Variants in FRMD4A observed in about 807,000 individuals in gnomAD.
FRMD4A encodes the protein FERM domain containing 4A.
A neutral mutation model predicts 129.1 loss-of-function variants in FRMD4A; 29 were observed. The ratio of observed to expected loss-of-function variants is 0.22; its 90% CI spans 0.17 to 0.31. FRMD4A has a LOEUF of 0.31. Among genes scored for constraint, FRMD4A ranks in the 10% least tolerant of loss-of-function variants. The pLI is 1.00. For synonymous variants in FRMD4A, 634 were observed against 571.6 expected (o/e 1.11, Z -1.56); for missense variants, 1,272 against 1,375.8 (o/e 0.92, Z 1.19).
At chr10:13,690,455 C>T (rs2085576638) in intron 15 of FRMD4A, among the ~76,000 whole-genome samples, 1 of 152,226 alleles carries the variant, frequency 6.6e-6, no homozygotes, top group African/African-American at 2.4e-5. Flanking sequence ...CTAGAAATTC[C>T]CTTTGTTCCC....
intron 2 of FRMD4A, among the ~76,000 whole-genome samples, chr10:13,925,062 TA>T (rs57484737): frequency 1.5e-3 from 158 of 103,218 alleles, no homozygotes; most frequent in African/African-American, 1.9e-3. Flanking sequence ...AGACTCCGTG[TA>T]AAAAAAAAAA....
chr10:14,189,255 T>G (rs1031882134), intron 2 of FRMD4A, among the ~76,000 whole-genome samples: 1 of 151,912 alleles, frequency 6.6e-6, no homozygotes, highest in Admixed American at 6.6e-5. Context: ...ATGCAAGAAT[T>G]TGAGGTGGAA....
At chr10:14,139,222 G>A (rs559027030) in intron 2 of FRMD4A, among the ~76,000 whole-genome samples, 3 of 152,308 alleles carry the variant, frequency 2.0e-5, no homozygotes, top group Admixed American at 2.0e-4. Context: ...TATAACAATG[G>A]TATGATGTCA....
At chr10:13,963,770 A>C (rs1475486971) in intron 2 of FRMD4A, among the ~76,000 whole-genome samples, 1 of 152,202 alleles carries the variant, frequency 6.6e-6, no homozygotes, top group Non-Finnish European at 1.5e-5. Context: ...ATATTAGCTC[A>C]CATGTTTTCT....
At chr10:13,767,357 A>G (rs563648246) in intron 6 of FRMD4A, among the ~76,000 whole-genome samples, 20 of 151,858 alleles carry the variant, frequency 1.3e-4, no homozygotes, top group Non-Finnish European at 2.6e-4. Flanking sequence ...TTGTGCCACA[A>G]CCTCCCAAAT....
intron 2 of FRMD4A, among the ~76,000 whole-genome samples, chr10:14,044,380 T>G (rs1217360162): frequency 1.3e-5 from 2 of 152,244 alleles, no homozygotes; most frequent in Non-Finnish European, 2.9e-5. Flanking sequence ...CCCATTCCTG[T>G]CTGGTAAAAC....
At chr10:14,070,971 G>C (rs1565227570) in intron 2 of FRMD4A, among the ~76,000 whole-genome samples, 1 of 152,232 alleles carries the variant, frequency 6.6e-6, no homozygotes, top group East Asian at 1.9e-4. Flanking sequence ...GGAACAGATG[G>C]ATTGCAAGAC....
chr10:14,012,928 G>C (rs1227114001), intron 2 of FRMD4A, among the ~76,000 whole-genome samples: 4 of 152,162 alleles, frequency 2.6e-5, no homozygotes, highest in Non-Finnish European at 5.9e-5. Flanking sequence ...TCATTTGGCA[G>C]AATACTGAAA....
At chr10:14,320,513 C>T (rs1351571542) in intron 2 of FRMD4A, among the ~76,000 whole-genome samples, 5 of 152,188 alleles carry the variant, frequency 3.3e-5, no homozygotes, top group South Asian at 2.1e-4. Context: ...AATAGCTTAA[C>T]GCCATTTTCT....
chr10:14,035,684 C>A (rs1833465024), intron 2 of FRMD4A, among the ~76,000 whole-genome samples: 1 of 152,142 alleles, frequency 6.6e-6, no homozygotes, highest in Admixed American at 6.6e-5. Flanking sequence ...ACAAGAGGAT[C>A]CCAGCCTCGA....
chr10:13,792,737 C>A lies in FRMD4A; in HGVS notation c.299+3759G>T, dbSNP rs531576734. 5.3e-4 allele frequency among the ~76,000 whole-genome samples: 80 copies of A among 152,314 alleles called. 1 individual carries two copies. Among genetic ancestry groups the A allele is most frequent in the African/African-American group, 1.9e-3 (79 of 41,562 alleles). ...TTAAGACCCTGAAGCCACCTGGGAT[C>A]ATTCCTGGTGATTTGCTGGTTGAAA... On this transcript the variant is annotated intron_variant, in intron 5 of 24. Transcript: ENST00000357447.
intron 2 of FRMD4A, among the ~76,000 whole-genome samples, chr10:14,195,113 G>A (rs536095696): frequency 6.6e-6 from 1 of 152,300 alleles, no homozygotes; most frequent in East Asian, 1.9e-4. Context: ...GGTAGTAGTA[G>A]TAGATGCTAT....
At chr10:14,172,739 C>G (rs1186580472) in intron 2 of FRMD4A, among the ~76,000 whole-genome samples, 3 of 152,150 alleles carry the variant, frequency 2.0e-5, no homozygotes, top group Non-Finnish European at 2.9e-5. Context: ...TGAAACAGCA[C>G]CTTGGATTGA....
intron 2 of FRMD4A, among the ~76,000 whole-genome samples, chr10:13,946,134 C>T (rs1472628081): frequency 1.3e-5 from 2 of 152,190 alleles, no homozygotes; most frequent in Admixed American, 1.3e-4. Flanking sequence ...TGGTTTATGT[C>T]CCTTTCCTGA....
chr10:13,931,592 C>T (rs2095195618), intron 2 of FRMD4A, among the ~76,000 whole-genome samples: 1 of 152,048 alleles, frequency 6.6e-6, no homozygotes. Context: ...TATCCCCTAT[C>T]CCTGCACATC....
At chr10:13,909,231 G>T (rs1358020831) in intron 2 of FRMD4A, among the ~76,000 whole-genome samples, 2 of 152,244 alleles carry the variant, frequency 1.3e-5, no homozygotes, top group African/African-American at 4.8e-5. Context: ...ATGAATAAAT[G>T]AATGAAAGGG....
At chr10:14,235,352 G>T (rs1405686710) in intron 2 of FRMD4A, among the ~76,000 whole-genome samples, 1 of 150,300 alleles carries the variant, frequency 6.7e-6, no homozygotes, top group African/African-American at 2.5e-5. Flanking sequence ...GTTTCACCAT[G>T]TTAGCCAGTA....
intron 2 of FRMD4A, among the ~76,000 whole-genome samples, chr10:14,194,284 A>G (rs748153188): frequency 1.3e-5 from 2 of 152,156 alleles, no homozygotes; most frequent in Non-Finnish European, 2.9e-5. Flanking sequence ...TTCTCACAGC[A>G]CTATGCTGGC....
chr10:14,181,206 C>A (rs1421314468), intron 2 of FRMD4A, among the ~76,000 whole-genome samples: 1 of 152,216 alleles, frequency 6.6e-6, no homozygotes, highest in African/African-American at 2.4e-5. Flanking sequence ...CTCTACCTGC[C>A]CCGATGTTTT....
Sources: allele counts gnomAD v4.1 joint callset (sites outside exome capture counted in the v4.1 genomes callset), GRCh38; gene constraint gnomAD v4.1.1; transcripts MANE v1.5; gene names NCBI Gene and HGNC (gene_info 2026-07-23, HGNC 2026-07-21).